Variants in CHRM2 observed in about 807,000 individuals in gnomAD.
CHRM2 encodes muscarinic acetylcholine receptor M2.
Under a neutral mutation model 25.0 loss-of-function variants are expected in CHRM2, and 8 were observed. The ratio of observed to expected loss-of-function variants is 0.32; its 90% confidence interval spans 0.19 to 0.58. The LOEUF (loss-of-function observed/expected upper bound fraction) is 0.58. CHRM2 is among the 20% of genes least tolerant of loss of function. CHRM2 has a pLI of 0.88. For synonymous variants in CHRM2, 202 were observed against 205.7 expected (o/e 0.98, Z 0.15); for missense variants, 440 against 567.1 (o/e 0.78, Z 2.28).
intron 3 of CHRM2, among the ~76,000 whole-genome samples, chr7:137,013,730 A>C (rs1171477633): frequency 2.0e-5 from 3 of 152,082 alleles, no homozygotes; most frequent in Non-Finnish European, 4.4e-5. Flanking sequence ...CAGGATAGGG[A>C]AACAAGAAGT....
At chr7:136,969,613 CA>C (rs1465980036) in intron 2 of CHRM2, among the ~76,000 whole-genome samples, 1 of 152,154 alleles carries the variant, frequency 6.6e-6, no homozygotes, top group Non-Finnish European at 1.5e-5. Context: ...TTGGTTCCAA[CA>C]AGTGTTTCAT....
At chr7:136,997,693 T>C (rs1424274089) in intron 3 of CHRM2, among the ~76,000 whole-genome samples, 2 of 152,188 alleles carry the variant, frequency 1.3e-5, no homozygotes, top group African/African-American at 4.8e-5. Context: ...GTCTGATCTT[T>C]GGAATTTTGT....
At chr7:136,979,750 G>A (rs934442075) in intron 2 of CHRM2, among the ~76,000 whole-genome samples, 7 of 152,044 alleles carry the variant, frequency 4.6e-5, no homozygotes, top group African/African-American at 1.4e-4. Flanking sequence ...AAGATCAGAC[G>A]ACTGCAGATG....
intron 2 of CHRM2, among the ~76,000 whole-genome samples, chr7:136,958,039 T>A (rs2130880064): frequency 6.6e-6 from 1 of 152,372 alleles, no homozygotes; most frequent in East Asian, 1.9e-4. Flanking sequence ...TCTATTCCAT[T>A]TGGAAACATA....
intron 2 of CHRM2, among the ~76,000 whole-genome samples, chr7:136,937,537 G>T (rs1040760343): frequency 2.0e-5 from 3 of 151,956 alleles, no homozygotes; most frequent in African/African-American, 7.3e-5. Flanking sequence ...AATCACATTA[G>T]AATCCAGCTC....
chr7:136,957,990 A>C (rs1800824136), intron 2 of CHRM2, among the ~76,000 whole-genome samples: 1 of 152,234 alleles, frequency 6.6e-6, no homozygotes, highest in African/African-American at 2.4e-5. Context: ...GATTTTGAAA[A>C]ATAACAATGA....
intron 2 of CHRM2, among the ~76,000 whole-genome samples, chr7:136,945,108 C>A (rs1444216689): frequency 6.6e-6 from 1 of 151,384 alleles, no homozygotes; most frequent in Admixed American, 6.6e-5. Context: ...GATTTGAGTT[C>A]TTTATAGATT....
chr7:136,941,707 T>G (rs990150512), intron 2 of CHRM2, among the ~76,000 whole-genome samples: 9 of 152,240 alleles, frequency 5.9e-5, no homozygotes, highest in Admixed American at 3.9e-4. Flanking sequence ...AGAATATCAG[T>G]GTCACTGAGC....
intron 2 of CHRM2, among the ~76,000 whole-genome samples, chr7:136,929,397 C>A (rs952870941): frequency 1.3e-5 from 2 of 151,946 alleles, no homozygotes; most frequent in Non-Finnish European, 2.9e-5. Context: ...ATTTTCACTG[C>A]CAATTCAGGG....
chr7:136,995,682 T>C (rs1803551160), intron 3 of CHRM2, among the ~76,000 whole-genome samples: 1 of 152,050 alleles, frequency 6.6e-6, no homozygotes. Flanking sequence ...GAGGATTGCA[T>C]GGTCCTGGAA....
intron 2 of CHRM2, among the ~76,000 whole-genome samples, chr7:136,956,598 T>A (rs1326127799): frequency 2.0e-5 from 3 of 152,166 alleles, no homozygotes; most frequent in Non-Finnish European, 4.4e-5. Flanking sequence ...CCACACTTCC[T>A]CTACCCAGAG....
Position 137,016,287 on chromosome 7 carries a change from A to G in CHRM2, c.*21A>G. 4 of 1,604,440 alleles carry G rather than the reference A, an allele frequency of 2.5e-6. No homozygotes were observed. Among genetic ancestry groups the G allele is most frequent in the Non-Finnish European group, 3.4e-6 (4 of 1,171,784 alleles). The stretch of plus-strand genomic sequence containing the variant: ...GGTAAAATATCTTTGAAAAAGATAG[A>G]AGGTGGGCAAGGGGAGCTTGAGAAG... On this transcript the variant is annotated 3_prime_UTR_variant, in exon 4 of 4. Coordinates refer to ENST00000680005, the MANE Select transcript of CHRM2 (RefSeq NM_001006630.2).
chr7:136,899,870 C>A (rs1336709608), intron 2 of CHRM2: 2 of 151,982 alleles, frequency 1.3e-5, no homozygotes, highest in Non-Finnish European at 2.9e-5. Context: ...GGTGATAAAC[C>A]ATAGATATGA....
intron 2 of CHRM2, among the ~76,000 whole-genome samples, chr7:136,884,984 G>A (rs1796407038): frequency 6.6e-6 from 1 of 152,104 alleles, no homozygotes; most frequent in African/African-American, 2.4e-5. Flanking sequence ...TTCCTGGTGT[G>A]AGCTCCCCAA....
chr7:136,870,455 A>G (rs11489680), intron 2 of CHRM2: 24,661 of 152,390 alleles, frequency 0.16, 2,059 homozygotes, highest in Middle Eastern at 0.29. Flanking sequence ...CCCCAGAATT[A>G]TTGACACACA....
At chr7:137,011,215 G>GTGTGTGTGTATATATA in intron 3 of CHRM2, among the ~76,000 whole-genome samples, 36 of 134,328 alleles carry the variant, frequency 2.7e-4, no homozygotes, top group African/African-American at 8.7e-4. Flanking sequence ...GTGTGTGTGT[G>GTGTGTGTGTATATATA]TATATATATA....
At chr7:136,886,915 T>G (rs1796490688) in intron 2 of CHRM2, among the ~76,000 whole-genome samples, 2 of 152,254 alleles carry the variant, frequency 1.3e-5, no homozygotes, top group South Asian at 2.1e-4. Flanking sequence ...CCATCATGCC[T>G]CAAACATACC....
At chr7:136,902,741 C>A (rs1797297805) in intron 2 of CHRM2, 2 of 188,614 alleles carry the variant, frequency 1.1e-5, no homozygotes, top group South Asian at 9.5e-5. Context: ...CCTTTCTCCA[C>A]CATACAATAA....
chr7:136,993,764 C>T (rs951447741), intron 3 of CHRM2, among the ~76,000 whole-genome samples: 1 of 152,090 alleles, frequency 6.6e-6, no homozygotes, highest in Non-Finnish European at 1.5e-5. Flanking sequence ...TCAAAGAAAT[C>T]CAACCCCAAA....
Sources: gnomAD v4.1 joint callset for allele counts (sites outside exome capture counted in the v4.1 genomes callset) on GRCh38, gnomAD v4.1.1 for gene constraint, MANE v1.5 for transcripts, NCBI Gene and HGNC (gene_info 2026-07-23, HGNC 2026-07-21) for gene names.